ITPK1: variants seen among roughly 807,000 people sequenced by gnomAD.
ITPK1 encodes inositol-tetrakisphosphate 1-kinase.
ITPK1 carries 21 observed loss-of-function variants against 45.3 expected under a neutral mutation model. The ratio of observed to expected loss-of-function variants is 0.46; its 90% CI spans 0.33 to 0.67. ITPK1 has a LOEUF of 0.67. Among genes scored for constraint, ITPK1 ranks in the 30% least tolerant of loss-of-function variants. ITPK1 has a pLI of 0.02. For synonymous variants in ITPK1, 258 were observed against 253.6 expected, an observed-to-expected ratio of 1.02 and a Z score of -0.16; for missense variants, 474 against 573.5, an observed-to-expected ratio of 0.83 and a Z score of 1.77.
In ITPK1 at chr14:93,032,565, C is replaced by CA. The variant is rs1173656587; in HGVS notation, c.121-15765dup. 6.6e-6 allele frequency among the ~76,000 whole-genome samples: 1 copy of CA among 152,190 alleles called. No individual in the cohort carries two copies. The highest frequency in any genetic ancestry group is 6.5e-5 in the Admixed American group (1 of 15,280). On this transcript the variant is annotated intron_variant, in intron 3 of 10. Coordinates refer to ENST00000267615, the MANE Select transcript of ITPK1 (RefSeq NM_014216.6). This position sits in a 1 kb window ranked among gnomAD's most constrained non-coding sequence, Gnocchi z 4.0. ...GCTGACACTGAAACCCTTGCATACTCACTTGGGAGAATTCCAGAGAATGCT... is the reference window on the plus strand; with the variant it reads ...GCTGACACTGAAACCCTTGCATACTCAACTTGGGAGAATTCCAGAGAATGCT...
chr14:92,958,090 C>CA lies in ITPK1; in HGVS notation c.670+110dup. 9.8e-7 allele frequency: 1 copy of CA among 1,025,242 alleles called. No individual in the cohort carries two copies. The highest frequency in any genetic ancestry group is 1.5e-6 in the Non-Finnish European group (1 of 665,512). The allele number at this position is 1,025,242 out of a possible 1,614,324, so 63.5% of individuals were successfully genotyped here. A position where few individuals can be genotyped will look rare whatever the true frequency, so the allele number is the denominator to read the frequency against. Reference sequence around the variant, plus strand: ...CCACCTTTAGAGCACCTCTCCATCCCACCAAGAACACAGGGTGGTTGGGGC... The same window carrying CA: ...CCACCTTTAGAGCACCTCTCCATCCCAACCAAGAACACAGGGTGGTTGGGGC... On this transcript the variant is annotated intron_variant, in intron 8 of 10. Transcript: ENST00000267615. The surrounding 1 kb of genome is among the most constrained non-coding windows in gnomAD (Gnocchi z 4.4).
chr14:93,055,020 CAG>C (rs1305255036), intron 3 of ITPK1, among the ~76,000 whole-genome samples: 1 of 152,162 alleles, frequency 6.6e-6, no homozygotes, highest in African/African-American at 2.4e-5. Flanking sequence ...CTCCTGTCCC[CAG>C]AGAGTAGCTT....
chr14:93,023,575 T>C (rs2139871957), intron 3 of ITPK1, among the ~76,000 whole-genome samples: 1 of 152,178 alleles, frequency 6.6e-6, no homozygotes, highest in East Asian at 1.9e-4. Context: ...TTTTCATTTG[T>C]TGAAACAAAG....
At position 93,018,127 on chromosome 14, in the gene ITPK1, G is replaced by A. The variant is rs144551978; in HGVS notation, c.121-1326C>T. Among the ~76,000 whole-genome samples the A allele has an allele frequency of 4.7e-4, 72 of 152,206 alleles. 2 individuals carry two copies. In the East Asian group the frequency reaches 0.013, roughly 27 times the overall value. The stretch of plus-strand genomic sequence containing the variant: ...GGCTGCCTTGTCCTCTGGCCAAGTC[G>A]GGCCAACTGGAGGCACAGCAGAAGA... On this transcript the variant is annotated intron_variant, in intron 3 of 10. Transcript: ENST00000267615.
intron 5 of ITPK1, among the ~76,000 whole-genome samples, chr14:92,969,409 C>A (rs1056644562): frequency 2.6e-5 from 4 of 152,070 alleles, no homozygotes; most frequent in Non-Finnish European, 4.4e-5. Context: ...GAGGCGCCAA[C>A]GAGGCACAGG....
intron 3 of ITPK1, chr14:93,066,306 A>G (rs912870513): frequency 7.8e-5 from 34 of 436,068 alleles, no homozygotes; most frequent in Non-Finnish European, 1.4e-4. Context: ...GTGCGCGTGC[A>G]TGTGTGTGTG....
intron 3 of ITPK1, among the ~76,000 whole-genome samples, chr14:93,061,168 C>A (rs1241581002): frequency 2.0e-5 from 3 of 152,234 alleles, no homozygotes; most frequent in Admixed American, 1.3e-4. Flanking sequence ...GACTCCTAAC[C>A]CTCCACCACT....
intron 3 of ITPK1, among the ~76,000 whole-genome samples, chr14:93,033,812 T>C (rs1457619084): frequency 6.6e-6 from 1 of 151,948 alleles, no homozygotes; most frequent in Non-Finnish European, 1.5e-5. Flanking sequence ...TGTGGGTGTG[T>C]GGTGGGGCAC....
intron 4 of ITPK1, among the ~76,000 whole-genome samples, chr14:92,994,665 C>A (rs1476354789): frequency 6.6e-6 from 1 of 152,184 alleles, no homozygotes; most frequent in African/African-American, 2.4e-5. Flanking sequence ...GTGGGCCAGA[C>A]CAACCCGAGC....
At chr14:93,053,178 TCAGA>T (rs1465677123) in intron 3 of ITPK1, among the ~76,000 whole-genome samples, 1 of 151,980 alleles carries the variant, frequency 6.6e-6, no homozygotes, top group Non-Finnish European at 1.5e-5. Flanking sequence ...CCAGTGGTTC[TCAGA>T]CAGAGGGGCT....
At chr14:93,102,407 C>A (rs933418776) in intron 2 of ITPK1, among the ~76,000 whole-genome samples, 7 of 152,276 alleles carry the variant, frequency 4.6e-5, no homozygotes, top group African/African-American at 1.7e-4. Flanking sequence ...GCAAAGGCCT[C>A]TAGTGGCAAG....
In ITPK1 at chr14:93,034,700, G is replaced by GA. The variant is rs1472125477; in HGVS notation, c.121-17900dup. Among the ~76,000 whole-genome samples, 2 of 152,274 alleles carry GA rather than the reference G, an allele frequency of 1.3e-5. No homozygotes were observed. The highest frequency in any genetic ancestry group is 2.9e-5 in the Non-Finnish European group (2 of 68,044). On this transcript the variant is annotated intron_variant, in intron 3 of 10. Coordinates refer to ENST00000267615, the MANE Select transcript of ITPK1 (RefSeq NM_014216.6). The surrounding 1 kb of genome is among the most constrained non-coding windows in gnomAD (Gnocchi z 4.1). ...CAAGCAAGGGAGAAGCAGACACTGAGATGGAAGCGGCAGCTGTGCCCACTG... is the reference window on the plus strand; with the variant it reads ...CAAGCAAGGGAGAAGCAGACACTGAGAATGGAAGCGGCAGCTGTGCCCACTG...
chr14:93,015,381 A>AAGC (rs1888126148), intron 4 of ITPK1, among the ~76,000 whole-genome samples: 1 of 152,194 alleles, frequency 6.6e-6, no homozygotes, highest in Non-Finnish European at 1.5e-5. Flanking sequence ...GGGACTCAGG[A>AAGC]AGCAGCACAT....
chr14:93,053,317 G>A lies in ITPK1; in HGVS notation c.120+23278C>T, dbSNP rs142877483. 7.9e-5 allele frequency among the ~76,000 whole-genome samples: 12 copies of A among 152,092 alleles called. No individual in the cohort carries two copies. The East Asian group carries it at 2.3e-3, about 29-fold the overall frequency. On this transcript the variant is annotated intron_variant, in intron 3 of 10. Transcript: ENST00000267615. Reference sequence around the variant, plus strand: ...CCTGTTTGAAGATGTGCTCCCTGGGGGTTCCAGTGCACACTCCAGTTTGAG... The same window carrying A: ...CCTGTTTGAAGATGTGCTCCCTGGGAGTTCCAGTGCACACTCCAGTTTGAG...
intron 5 of ITPK1, among the ~76,000 whole-genome samples, chr14:92,973,172 G>A (rs1885744184): frequency 6.6e-6 from 1 of 152,178 alleles, no homozygotes. Flanking sequence ...TTTACCTCTT[G>A]TACGCTATTA....
rs1014493800 is a variant in ITPK1, at chr14:93,064,393, G to A, written c.120+12202C>T. Reference sequence around the variant, plus strand: ...TCCTGCCTTGGCCTCTCAAAGTGTTGGGATTACAGACACAGGCCATCATGC... The same window carrying A: ...TCCTGCCTTGGCCTCTCAAAGTGTTAGGATTACAGACACAGGCCATCATGC... On this transcript the variant is annotated intron_variant, in intron 3 of 10. Coordinates refer to ENST00000267615, the MANE Select transcript of ITPK1 (RefSeq NM_014216.6). 3.9e-5 allele frequency among the ~76,000 whole-genome samples: 6 copies of A among 152,164 alleles called. No individual in the cohort carries two copies. The East Asian group carries it at 7.7e-4, about 20-fold the overall frequency.
chr14:92,994,986 A>G (rs1434333795), intron 4 of ITPK1, among the ~76,000 whole-genome samples: 1 of 152,182 alleles, frequency 6.6e-6, no homozygotes, highest in Non-Finnish European at 1.5e-5. Context: ...ACACAGACGC[A>G]GGGAGGAGGC....
At chr14:92,968,495 A>T (rs1885489347) in intron 5 of ITPK1, among the ~76,000 whole-genome samples, 1 of 152,016 alleles carries the variant, frequency 6.6e-6, no homozygotes, top group Non-Finnish European at 1.5e-5. Context: ...CTCCCTACAC[A>T]CGCATTGAGT....
At chr14:93,041,230 C>T (rs139378067) in intron 3 of ITPK1, among the ~76,000 whole-genome samples, 9 of 152,308 alleles carry the variant, frequency 5.9e-5, no homozygotes, top group South Asian at 4.1e-4. Flanking sequence ...TTCCACTGCC[C>T]GGCCAGGATC....
Sources: allele counts gnomAD v4.1 joint callset (sites outside exome capture counted in the v4.1 genomes callset), GRCh38; gene constraint gnomAD v4.1.1; non-coding constraint Gnocchi (gnomAD v3.1); transcripts MANE v1.5; gene names NCBI Gene and HGNC (gene_info 2026-07-23, HGNC 2026-07-21).